The following FANCI variants were observed in gnomAD, a reference collection of about 807,000 sequenced individuals.
FANCI encodes Fanconi anemia group I protein.
FANCI carries 156 observed loss-of-function variants against 176.1 expected under a neutral mutation model. The observed-to-expected ratio is 0.89, with a 90% CI of 0.78 to 1.01. FANCI has a LOEUF of 1.01. FANCI is among the 50% of genes least tolerant of loss of function. FANCI has a pLI of 0.00. For synonymous variants in FANCI, 613 were observed against 541.7 expected, an observed-to-expected ratio of 1.13 and a Z score of -1.83; for missense variants, 1,678 against 1,534.1, an observed-to-expected ratio of 1.09 and a Z score of -1.57.
intron 1 of FANCI, among the ~76,000 whole-genome samples, chr15:89,244,837 G>C (rs74033563): frequency 1.3e-5 from 2 of 152,170 alleles, no homozygotes; most frequent in Non-Finnish European, 2.9e-5. Context: ...CACCTACCTA[G>C]TAGGTGGTGT....
chr15:89,313,832 C>T (rs1040226184), intron 35 of FANCI, among the ~76,000 whole-genome samples: 2 of 151,952 alleles, frequency 1.3e-5, no homozygotes, highest in African/African-American at 4.8e-5. Context: ...TCTAAATGTT[C>T]AGCTCTCTGG....
At chr15:89,275,733 A>G (rs1428454278) in intron 12 of FANCI, among the ~76,000 whole-genome samples, 2 of 152,250 alleles carry the variant, frequency 1.3e-5, no homozygotes, top group Non-Finnish European at 2.9e-5. Flanking sequence ...CTCACTAACC[A>G]GGAAATTCCT....
intron 24 of FANCI, among the ~76,000 whole-genome samples, chr15:89,295,338 C>A (rs981814640): frequency 6.7e-6 from 1 of 149,336 alleles, no homozygotes; most frequent in African/African-American, 2.5e-5. Flanking sequence ...TGCACTCTAG[C>A]CTGGGTGACA....
At chr15:89,267,337 T>TAAAAA (rs2053010209) in intron 9 of FANCI, among the ~76,000 whole-genome samples, 2 of 151,484 alleles carry the variant, frequency 1.3e-5, no homozygotes, top group Non-Finnish European at 2.9e-5. Flanking sequence ...AAAAAATTTT[T>TAAAAA]TTTTTTTTTT....
intron 15 of FANCI, 25 bp downstream of exon 15, chr15:89,281,325 C>G: frequency 6.2e-7 from 1 of 1,613,070 alleles, no homozygotes; most frequent in Non-Finnish European, 8.5e-7. Context: ...TCCCAAGTAA[C>G]TTGCCAAAAC....
intron 10 of FANCI, among the ~76,000 whole-genome samples, chr15:89,271,293 T>G (rs1400831270): frequency 6.6e-6 from 1 of 152,152 alleles, no homozygotes; most frequent in African/African-American, 2.4e-5. Context: ...GTAAGATCTT[T>G]TATGCCCATT....
intron 4 of FANCI, 127 bp from the exon 5 acceptor site, chr15:89,261,458 A>G (rs2052709010): frequency 8.5e-7 from 1 of 1,180,954 alleles, no homozygotes; most frequent in South Asian, 1.2e-5. Flanking sequence ...GATTCCATAA[A>G]TCCCTTATGG....
At chr15:89,305,273 T>C in intron 29 of FANCI, 31 bp downstream of exon 29, 3 of 1,614,192 alleles carry the variant, frequency 1.9e-6, no homozygotes, top group South Asian at 1.1e-5. Context: ...TACAATACCC[T>C]GTGTGGGGAT....
At chr15:89,314,849 C>CTTT (rs1491292697) in intron 36 of FANCI, 142 bp downstream of exon 36, 116 of 397,268 alleles carry the variant, frequency 2.9e-4, no homozygotes, top group East Asian at 4.5e-4. Flanking sequence ...CCCCCCCCCC[C>CTTT]TTTTTTTTTT....
intron 35 of FANCI, among the ~76,000 whole-genome samples, chr15:89,313,926 C>CAT (rs1364757336): frequency 2.3e-4 from 33 of 146,538 alleles, no homozygotes; most frequent in African/African-American, 4.6e-4. Context: ...CACACACACA[C>CAT]GTAGGACCTA....
chr15:89,247,989 T>G (rs968709143), intron 2 of FANCI, among the ~76,000 whole-genome samples: 1 of 152,204 alleles, frequency 6.6e-6, no homozygotes, highest in Non-Finnish European at 1.5e-5. Flanking sequence ...TACAACTGTA[T>G]TTATAAAAGC....
rs755963137 is a variant in FANCI at position 89,283,137 on chromosome 15, C to A, written c.1585C>A (p.Gln529Lys). ...TTAACTTCTCTATTTCTGAGCTAGCCAGCTTGATGCCCGAAAATCTGCAGT... is the reference window on the plus strand; with the variant it reads ...TTAACTTCTCTATTTCTGAGCTAGCAAGCTTGATGCCCGAAAATCTGCAGT... ...LVLRKAMFAN[Q>K]LDARKSAVAG... Residue 529 changes from glutamine (Q) to lysine (K), a missense_variant and splice_region_variant, in exon 17 of 38, where the codon CAG becomes AAG. Transcript: ENST00000310775. The A allele has an allele frequency of 3.1e-6, 5 of 1,614,120 alleles. No homozygotes were observed. Among genetic ancestry groups the A allele is most frequent in the Non-Finnish European group, 4.2e-6 (5 of 1,180,010 alleles).
Position 89,315,341 on chromosome 15 carries a change from C to T in FANCI, c.3876C>T (p.Asn1292=). 6.2e-7 allele frequency: 1 copy of T among 1,614,036 alleles called. No individual in the cohort carries two copies. The highest frequency in any genetic ancestry group is 8.5e-7 in the Non-Finnish European group (1 of 1,179,896). Residue 1292 remains asparagine (N), a synonymous_variant, in exon 37 of 38, where the codon AAC becomes AAT. Coordinates refer to ENST00000310775, the MANE Select transcript of FANCI (RefSeq NM_001113378.2). The part of the protein sequence containing the change: ...STSRDFKIKG[N]ILDMVLREDG... ...CACGAGACTTCAAGATCAAAGGAAA[C>T]ATCCTAGACATGGTTCTTCGAGAGG...
At chr15:89,312,838 A>T in intron 34 of FANCI, 66 bp from the exon 35 acceptor site, 1 of 1,211,920 alleles carries the variant, frequency 8.3e-7, no homozygotes, top group Non-Finnish European at 1.2e-6. Context: ...AAAAAAAATT[A>T]GCACTAGCAT....
At chr15:89,315,071 A>G (rs1290986133) in intron 36 of FANCI, among the ~76,000 whole-genome samples, 2 of 152,068 alleles carry the variant, frequency 1.3e-5, no homozygotes, top group Non-Finnish European at 2.9e-5. Context: ...GGCCTCCCAA[A>G]GTGCTGGGAT....
At position 89,260,774 on chromosome 15, in the gene FANCI, C is replaced by G; in HGVS notation, c.219C>G (p.Ile73Met). 3 of 1,613,890 alleles carry G rather than the reference C, an allele frequency of 1.9e-6. No individual in the cohort carries two copies. Among genetic ancestry groups the G allele is most frequent in the South Asian group, 1.1e-5 (1 of 91,070 alleles). Residue 73 changes from isoleucine to methionine, a missense_variant, in exon 4 of 38, where the codon ATC becomes ATG. Coordinates refer to ENST00000310775, the MANE Select transcript of FANCI (RefSeq NM_001113378.2). Reference sequence around the variant, plus strand: ...GACGTAAGATATACACTTGTTGTATCCAGTTGGTGGAATCGGGGGATTTGC... The same window carrying G: ...GACGTAAGATATACACTTGTTGTATGCAGTTGGTGGAATCGGGGGATTTGC... ...LRRRKIYTCCIQLVESGDLQK... is the reference protein window; with the variant it reads ...LRRRKIYTCCMQLVESGDLQK...
intron 37 of FANCI, among the ~76,000 whole-genome samples, chr15:89,315,726 A>T (rs2055210565): frequency 6.6e-6 from 1 of 152,300 alleles, no homozygotes; most frequent in African/African-American, 2.4e-5. Context: ...CTCTCATGTC[A>T]TGCCCTCATT....
At chr15:89,307,962 T>C in intron 34 of FANCI, 2 of 1,295,422 alleles carry the variant, frequency 1.5e-6, no homozygotes, top group Non-Finnish European at 2.0e-6. Context: ...TATTCCTGGG[T>C]GACTGAAAGT....
chr15:89,249,905 ATTATC>A (rs1374184564), intron 2 of FANCI, among the ~76,000 whole-genome samples: 1 of 152,246 alleles, frequency 6.6e-6, no homozygotes, highest in Non-Finnish European at 1.5e-5. Context: ...ATAAGAATAT[ATTATC>A]TTCTTAAACA....
Sources: gnomAD v4.1 joint callset for allele counts (sites outside exome capture counted in the v4.1 genomes callset) on GRCh38, gnomAD v4.1.1 for gene constraint, MANE v1.5 for transcripts, NCBI Gene and HGNC (gene_info 2026-07-23, HGNC 2026-07-21) for gene names.